The following SRGAP1 variants were observed in gnomAD, a reference collection of about 807,000 sequenced individuals.
SRGAP1 encodes the protein SLIT-ROBO Rho GTPase-activating protein 1.
Under a neutral mutation model 121.9 loss-of-function variants are expected in SRGAP1, and 43 were observed. The ratio of observed to expected loss-of-function variants is 0.35; its 90% CI spans 0.28 to 0.46. The LOEUF is 0.46. SRGAP1 is among the 20% of genes least tolerant of loss of function. The pLI is 1.00. For synonymous variants in SRGAP1, 447 were observed against 485.4 expected, an observed-to-expected ratio of 0.92 and a Z score of 1.04; for missense variants, 1,102 against 1,350.9, an observed-to-expected ratio of 0.82 and a Z score of 2.89.
At chr12:64,040,166 AT>A (rs1223370045) in intron 4 of SRGAP1, among the ~76,000 whole-genome samples, 2 of 152,204 alleles carry the variant, frequency 1.3e-5, no homozygotes, top group African/African-American at 2.4e-5. Flanking sequence ...GAAAATGCTG[AT>A]TTTCCACCTT....
At chr12:63,976,305 C>G (rs1445678335) in intron 1 of SRGAP1, among the ~76,000 whole-genome samples, 2 of 151,978 alleles carry the variant, frequency 1.3e-5, no homozygotes, top group African/African-American at 2.4e-5. Flanking sequence ...TCAATTTCGG[C>G]AATTGAGAAG....
At chr12:63,980,939 A>C (rs1017018516) in intron 1 of SRGAP1, among the ~76,000 whole-genome samples, 1 of 152,024 alleles carries the variant, frequency 6.6e-6, no homozygotes, top group Non-Finnish European at 1.5e-5. Context: ...TTGATTTTTT[A>C]AAAATGATCT....
chr12:64,123,110 G>A (rs2036629033), intron 18 of SRGAP1, among the ~76,000 whole-genome samples: 1 of 151,880 alleles, frequency 6.6e-6, no homozygotes, highest in South Asian at 2.1e-4. Context: ...TCATGTGTTG[G>A]TATCTTTTAA....
intron 14 of SRGAP1, among the ~76,000 whole-genome samples, chr12:64,096,466 T>A (rs926722288): frequency 1.3e-5 from 2 of 152,204 alleles, no homozygotes; most frequent in African/African-American, 4.8e-5. Context: ...GTTGAACTTC[T>A]TAAGGATTTT....
chr12:64,140,189 T>C (rs2036934448), intron 21 of SRGAP1, among the ~76,000 whole-genome samples: 1 of 141,876 alleles, frequency 7.0e-6, no homozygotes, highest in African/African-American at 2.8e-5. Context: ...GCCTCCAGCT[T>C]TGTTCTTTTG....
chr12:63,862,203 A>G (rs763317755), intron 1 of SRGAP1, among the ~76,000 whole-genome samples: 10 of 152,246 alleles, frequency 6.6e-5, no homozygotes, highest in Non-Finnish European at 1.3e-4. Context: ...TTAATTCTTT[A>G]CATATCAAAA....
intron 1 of SRGAP1, among the ~76,000 whole-genome samples, chr12:63,902,269 A>C (rs2029973025): frequency 6.6e-6 from 1 of 152,204 alleles, no homozygotes. Context: ...GCCATGAAAA[A>C]GGCAAGTAAC....
At chr12:64,015,682 C>A (rs963253487) in intron 3 of SRGAP1, among the ~76,000 whole-genome samples, 1 of 152,112 alleles carries the variant, frequency 6.6e-6, no homozygotes, top group African/African-American at 2.4e-5. Flanking sequence ...GGACTAGGAC[C>A]CTCTTTAAAT....
chr12:64,028,814 T>A (rs111401649), intron 4 of SRGAP1, among the ~76,000 whole-genome samples: 4,942 of 152,284 alleles, frequency 0.032, 274 homozygotes, highest in African/African-American at 0.11. Flanking sequence ...TTTCAACATA[T>A]GACGTTGTGG....
chr12:64,078,800 CTG>C, intron 8 of SRGAP1, 117 bp from the exon 9 acceptor site: 2 of 930,356 alleles, frequency 2.1e-6, no homozygotes, highest in Non-Finnish European at 3.2e-6. Flanking sequence ...TCCTAATAGA[CTG>C]TGAATTTGGC....
chr12:63,957,424 A>G (rs1592981598), intron 1 of SRGAP1, among the ~76,000 whole-genome samples: 1 of 152,162 alleles, frequency 6.6e-6, no homozygotes, highest in African/African-American at 2.4e-5. Context: ...CAGCGAACCC[A>G]TAACTATGAT....
Position 64,142,553 on chromosome 12 carries a change from G to A in SRGAP1, c.3139G>A (p.Gly1047Ser). 1.9e-6 allele frequency: 3 copies of A among 1,614,150 alleles called. No homozygotes were observed. The highest frequency in any genetic ancestry group is 2.2e-5 in the South Asian group (2 of 91,074). The change falls in exon 22 of 22, where the codon GGC becomes AGC. Residue 1047 changes from glycine to serine, a missense_variant. Transcript: ENST00000355086. ...TFKPMVAPRM[G>S]VQLKPPALRP... Reference sequence around the variant, plus strand: ...CAAGCCTATGGTGGCACCCAGAATGGGCGTGCAGCTGAAGCCTCCAGCCCT... The same window carrying A: ...CAAGCCTATGGTGGCACCCAGAATGAGCGTGCAGCTGAAGCCTCCAGCCCT...
intron 8 of SRGAP1, among the ~76,000 whole-genome samples, chr12:64,069,749 G>A (rs970110519): frequency 2.0e-5 from 3 of 151,860 alleles, no homozygotes; most frequent in African/African-American, 4.8e-5. Flanking sequence ...TCAACCTCCC[G>A]GGCTCAGGTG....
intron 6 of SRGAP1, among the ~76,000 whole-genome samples, chr12:64,049,636 A>C (rs2035199808): frequency 6.6e-6 from 1 of 152,178 alleles, no homozygotes; most frequent in Non-Finnish European, 1.5e-5. Context: ...GACACAGCCA[A>C]ACCATATCAA....
intron 4 of SRGAP1, among the ~76,000 whole-genome samples, chr12:64,024,086 T>A (rs142077934): frequency 1.5e-3 from 231 of 152,316 alleles, no homozygotes; most frequent in African/African-American, 5.2e-3. Context: ...TAGACTGTTA[T>A]ATGGGTTACA....
chr12:63,955,390 T>G (rs1486015038), intron 1 of SRGAP1, among the ~76,000 whole-genome samples: 5 of 152,226 alleles, frequency 3.3e-5, no homozygotes, highest in Non-Finnish European at 7.3e-5. Context: ...GATATAGTTA[T>G]GCATTGTGGA....
intron 1 of SRGAP1, among the ~76,000 whole-genome samples, chr12:63,871,173 CTCCCAATT>C (rs1255285405): frequency 2.0e-5 from 3 of 152,176 alleles, no homozygotes; most frequent in African/African-American, 7.2e-5. Context: ...GCTAATTTTC[CTCCCAATT>C]TCCCAAAGAT....
chr12:64,126,279 G>A (rs2036686342), intron 19 of SRGAP1, 122 bp downstream of exon 19: 2 of 1,118,616 alleles, frequency 1.8e-6, no homozygotes, highest in South Asian at 3.9e-5. Flanking sequence ...AAACTTCAGA[G>A]CTAGGCACAG....
chr12:63,894,806 C>G (rs910802778), intron 1 of SRGAP1, among the ~76,000 whole-genome samples: 2 of 152,078 alleles, frequency 1.3e-5, no homozygotes, highest in Non-Finnish European at 2.9e-5. Context: ...TGAACTCATC[C>G]TTTTTTATGG....
Sources: gnomAD v4.1 joint callset for allele counts (sites outside exome capture counted in the v4.1 genomes callset) on GRCh38, gnomAD v4.1.1 for gene constraint, MANE v1.5 for transcripts, NCBI Gene and HGNC (gene_info 2026-07-23, HGNC 2026-07-21) for gene names.